The following MBNL1 variants were observed in gnomAD, a reference collection of about 807,000 sequenced individuals.
The protein encoded by MBNL1 is muscleblind-like protein 1.
MBNL1 carries 8 observed loss-of-function variants against 42.2 expected under a neutral mutation model. The observed-to-expected ratio is 0.19, with a 90% CI of 0.11 to 0.34. MBNL1 has a LOEUF of 0.34. Ranked by LOEUF, MBNL1 falls within the 10% of genes least tolerant of loss-of-function variation. The probability of loss-of-function intolerance (pLI) is 1.00; values close to 1 mark genes in which losing one functional copy is unlikely to be tolerated. For missense variants in MBNL1, 309 were observed against 495.3 expected (o/e 0.62, Z 3.57); for synonymous variants, 169 against 173.9 (o/e 0.97, Z 0.22).
At chr3:152,448,333 TTTAATTTA>T (rs1219481599) in intron 6 of MBNL1, among the ~76,000 whole-genome samples, 2 of 152,174 alleles carry the variant, frequency 1.3e-5, no homozygotes, top group Non-Finnish European at 2.9e-5. Context: ...CTCAGCAATG[TTTAATTTA>T]TTATGGAGTT....
chr3:152,352,669 G>A (rs2095149508), intron 2 of MBNL1, among the ~76,000 whole-genome samples: 1 of 152,064 alleles, frequency 6.6e-6, no homozygotes, highest in African/African-American at 2.4e-5. Context: ...CTCCTCTGGG[G>A]AGTCTCCCTT....
chr3:152,267,128 G>C (rs961690719), upstream of MBNL1: 1 of 152,416 alleles, frequency 6.6e-6, no homozygotes, highest in African/African-American at 2.4e-5. Flanking sequence ...ATGTCACCCA[G>C]GCTGGTCTCA....
chr3:152,330,182 G>A (rs1315232026), intron 2 of MBNL1, among the ~76,000 whole-genome samples: 2 of 152,156 alleles, frequency 1.3e-5, no homozygotes, highest in Admixed American at 1.3e-4. Flanking sequence ...CTGAATCTGT[G>A]TTGTCCTGCC....
chr3:152,449,337 C>T (rs1399844973), intron 6 of MBNL1: 4 of 152,192 alleles, frequency 2.6e-5, no homozygotes, highest in Admixed American at 6.5e-5. Flanking sequence ...TTGAACTCCT[C>T]GTTCTACTCA....
chr3:152,317,603 A>T (rs1396471933), intron 2 of MBNL1, among the ~76,000 whole-genome samples: 2 of 152,150 alleles, frequency 1.3e-5, no homozygotes, highest in African/African-American at 4.8e-5. Flanking sequence ...TACAGGCGTG[A>T]GCCACCGTGC....
At chr3:152,339,535 C>T (rs2092532687) in intron 2 of MBNL1, among the ~76,000 whole-genome samples, 1 of 151,928 alleles carries the variant, frequency 6.6e-6, no homozygotes, top group African/African-American at 2.4e-5. Context: ...TATTAAGACA[C>T]CTCTTCTAAT....
At chr3:152,436,381 C>T (rs945131788) in intron 4 of MBNL1, among the ~76,000 whole-genome samples, 1 of 152,116 alleles carries the variant, frequency 6.6e-6, no homozygotes, top group African/African-American at 2.4e-5. Context: ...ACCTGATACA[C>T]CTGGATTTTT....
At chr3:152,413,103 G>A (rs2098627973) in intron 2 of MBNL1, among the ~76,000 whole-genome samples, 1 of 152,070 alleles carries the variant, frequency 6.6e-6, no homozygotes, top group Non-Finnish European at 1.5e-5. Flanking sequence ...TTTATCTTGC[G>A]AGTCTAAGGT....
chr3:152,301,314 G>T (rs2060634422), intron 2 of MBNL1, among the ~76,000 whole-genome samples: 3 of 152,100 alleles, frequency 2.0e-5, no homozygotes, highest in Admixed American at 2.0e-4. Flanking sequence ...AGCCTACTTG[G>T]TTTAATCAAA....
At chr3:152,251,021 A>G (rs1644018507) in intron 2 of MBNL1, among the ~76,000 whole-genome samples, 1 of 152,108 alleles carries the variant, frequency 6.6e-6, no homozygotes, top group Non-Finnish European at 1.5e-5. Context: ...CCTGGGATGC[A>G]AGGCTGGTTC....
intron 6 of MBNL1, among the ~76,000 whole-genome samples, chr3:152,450,393 C>G (rs1720266378): frequency 6.6e-6 from 1 of 152,104 alleles, no homozygotes; most frequent in Non-Finnish European, 1.5e-5. Context: ...AAATGGATAG[C>G]TCTTCATTAT....
intron 2 of MBNL1, among the ~76,000 whole-genome samples, chr3:152,258,466 T>C (rs138846270): frequency 1.2e-3 from 178 of 152,298 alleles, no homozygotes; most frequent in African/African-American, 4.2e-3. Flanking sequence ...CCCTGATTCT[T>C]CTAAAAAGTG....
At chr3:152,336,917 A>C (rs1002022965) in intron 2 of MBNL1, among the ~76,000 whole-genome samples, 14 of 152,180 alleles carry the variant, frequency 9.2e-5, no homozygotes, top group African/African-American at 3.1e-4. Flanking sequence ...CACACACATA[A>C]CTGCTTTTAG....
intron 2 of MBNL1, among the ~76,000 whole-genome samples, chr3:152,320,796 A>T (rs1428755963): frequency 6.6e-6 from 1 of 151,380 alleles, no homozygotes; most frequent in Non-Finnish European, 1.5e-5. Context: ...TATTAGTATA[A>T]TTATTATTGT....
chr3:152,327,327 G>C (rs2081031627), intron 2 of MBNL1, among the ~76,000 whole-genome samples: 1 of 151,628 alleles, frequency 6.6e-6, no homozygotes, highest in Non-Finnish European at 1.5e-5. Flanking sequence ...GTAGATATGA[G>C]CCCTGCTTTT....
upstream of MBNL1, chr3:152,266,051 G>A (rs1024744806): frequency 1.7e-4 from 26 of 152,136 alleles, no homozygotes; most frequent in African/African-American, 6.0e-4. Flanking sequence ...GTTTGTTACA[G>A]TGCTTTAAAA....
chr3:152,268,102 A>C (rs1398127869), upstream of MBNL1: 1 of 152,350 alleles, frequency 6.6e-6, no homozygotes, highest in East Asian at 1.9e-4. Flanking sequence ...TCTGGCGACA[A>C]TATGGCTTAC....
At chr3:152,390,379 C>T (rs551794953) in intron 2 of MBNL1, among the ~76,000 whole-genome samples, 49 of 151,914 alleles carry the variant, frequency 3.2e-4, no homozygotes, top group Non-Finnish European at 5.1e-4. Flanking sequence ...TCTTGTCCCA[C>T]TAGAAGGTCT....
intron 9 of MBNL1, among the ~76,000 whole-genome samples, chr3:152,460,305 C>G (rs1580930708): frequency 6.6e-6 from 1 of 151,554 alleles, no homozygotes; most frequent in Non-Finnish European, 1.5e-5. Context: ...TACACATAAT[C>G]AAATATATGT....
Sources: allele counts gnomAD v4.1 joint callset (sites outside exome capture counted in the v4.1 genomes callset), GRCh38; gene constraint gnomAD v4.1.1; transcripts MANE v1.5; gene names NCBI Gene and HGNC (gene_info 2026-07-23, HGNC 2026-07-21).